AFF4: variants seen among roughly 807,000 people sequenced by gnomAD.
AFF4 encodes the protein ALF transcription elongation factor 4.
Under a neutral mutation model 124.8 loss-of-function variants are expected in AFF4, and 13 were observed. The ratio of observed to expected loss-of-function variants is 0.10; its 90% confidence interval spans 0.07 to 0.17. The LOEUF (loss-of-function observed/expected upper bound fraction) is 0.17, where lower values mean the gene tolerates loss of function less well. Ranked by LOEUF, AFF4 falls within the 10% of genes least tolerant of loss-of-function variation. The pLI, the probability that AFF4 is intolerant of heterozygous loss-of-function variation, is 1.00. For synonymous variants in AFF4, 477 were observed against 496.1 expected, an observed-to-expected ratio of 0.96 and a Z score of 0.51; for missense variants, 1,092 against 1,403.8, an observed-to-expected ratio of 0.78 and a Z score of 3.55.
Position 132,917,249 on chromosome 5 carries a change from T to C in AFF4, c.1050+9872A>G, listed in dbSNP as rs575957732. The stretch of plus-strand genomic sequence containing the variant: ...TAACCAATGTTATTCACCATATTAA[T>C]ACAAATCAAAACAGGAAAATCTTAT... On this transcript the variant is annotated intron_variant, in intron 5 of 20. Coordinates refer to ENST00000265343, the MANE Select transcript of AFF4 (RefSeq NM_014423.4). Among the ~76,000 whole-genome samples, 6 of 151,026 alleles carry C rather than the reference T, an allele frequency of 4.0e-5. No individual in the cohort carries two copies. The South Asian group carries it at 1.1e-3, about 27-fold the overall frequency.
chr5:132,880,390 A>G lies in AFF4; in HGVS notation c.*669T>C. 2.5e-6 allele frequency: 1 copy of G among 398,884 alleles called. No homozygotes were observed. The highest frequency in any genetic ancestry group is 3.6e-5 in the East Asian group (1 of 28,018). The allele number at this position is 398,884 out of a possible 1,614,324, so 24.7% of individuals were successfully genotyped here. ...ACAGTTTTTGAAATAATGCATACCA[A>G]ATCAGACACATTTCATAGTACATAC... is the stretch of plus-strand genomic sequence containing the variant. On this transcript the variant is annotated 3_prime_UTR_variant, in exon 21 of 21. Transcript: ENST00000265343.
chr5:132,908,829 G>C (rs149849572), intron 5 of AFF4, among the ~76,000 whole-genome samples: 10,517 of 145,190 alleles, frequency 0.072, 530 homozygotes, highest in Non-Finnish European at 0.1. Flanking sequence ...GGAGTGCAGT[G>C]GTGTGATTTC....
intron 6 of AFF4, chr5:132,903,833 T>C (rs2150077642): frequency 6.6e-6 from 1 of 152,376 alleles, no homozygotes; most frequent in East Asian, 1.9e-4. Context: ...CCCATCAAAT[T>C]GTATTCATGA....
At chr5:132,942,660 C>T (rs554292231) in intron 1 of AFF4, among the ~76,000 whole-genome samples, 2 of 152,274 alleles carry the variant, frequency 1.3e-5, no homozygotes, top group East Asian at 3.9e-4. Context: ...GATGGGGTTT[C>T]TCCATGTTGG....
At chr5:132,921,221 A>G (rs551727321) in intron 5 of AFF4, among the ~76,000 whole-genome samples, 18 of 152,262 alleles carry the variant, frequency 1.2e-4, no homozygotes, top group African/African-American at 3.4e-4. Context: ...ACACTGCACC[A>G]AAGAAGATAA....
intron 4 of AFF4, 123 bp from the exon 5 acceptor site, chr5:132,927,330 TAGTC>T (rs1371467433): frequency 1.3e-6 from 1 of 766,108 alleles, no homozygotes; most frequent in Non-Finnish European, 2.1e-6. Context: ...TCTACATACT[TAGTC>T]AATAAATATT....
At chr5:132,882,638 C>G (rs188652971) in intron 20 of AFF4, among the ~76,000 whole-genome samples, 8 of 152,074 alleles carry the variant, frequency 5.3e-5, no homozygotes, top group African/African-American at 1.9e-4. Context: ...GGGCAGATCA[C>G]GAGGTCAGCA....
intron 5 of AFF4, among the ~76,000 whole-genome samples, chr5:132,908,833 T>A (rs10479012): frequency 6.8e-6 from 1 of 146,994 alleles, no homozygotes; most frequent in East Asian, 2.0e-4. Flanking sequence ...TGCAGTGGTG[T>A]GATTTCGGCT....
chr5:132,888,245 T>A, intron 14 of AFF4, 85 bp from the exon 15 acceptor site: 1 of 1,012,576 alleles, frequency 9.9e-7, no homozygotes, highest in Non-Finnish European at 1.4e-6. Flanking sequence ...CCCTCAGTTT[T>A]TATGTCCTCA....
chr5:132,888,103 A>G lies in AFF4; in HGVS notation c.2790T>C (p.Asp930=). ...AAGGAGAATATCTACATACCAATGC[A>G]TCTGCATTGTGCTTTAGCTTTTTTG... ...QEAKKLKHNA[D]ALSDRFEKAV... Residue 930 remains aspartate, a synonymous_variant, in exon 15 of 21, where the codon GAT becomes GAC. Coordinates refer to ENST00000265343, the MANE Select transcript of AFF4 (RefSeq NM_014423.4). 6.2e-7 allele frequency: 1 copy of G among 1,611,662 alleles called. No homozygotes were observed. Among genetic ancestry groups the G allele is most frequent in the Non-Finnish European group, 8.5e-7 (1 of 1,178,332 alleles).
Position 132,885,061 on chromosome 5 carries a change from TA to T in AFF4, c.3143+14del, listed in dbSNP as rs770884947. ...ATTGCCACAATAATATTTTACATAA[TA>T]AAATTTTACCTACCTTCCCAAGCCA... On this transcript the variant is annotated intron_variant, in intron 19 of 20. Transcript: ENST00000265343. 3 of 1,580,904 alleles carry T rather than the reference TA, an allele frequency of 1.9e-6. No individual in the cohort carries two copies. Among genetic ancestry groups the T allele is most frequent in the South Asian group, 1.2e-5 (1 of 85,432 alleles).
chr5:132,955,926 ATAT>A (rs1393709710), intron 1 of AFF4, among the ~76,000 whole-genome samples: 12 of 146,058 alleles, frequency 8.2e-5, no homozygotes, highest in South Asian at 2.2e-4. Context: ...TATACTTACT[ATAT>A]TATACTATAC....
chr5:132,937,246 T>C (rs776579105), intron 1 of AFF4, 53 bp from the exon 2 acceptor site: 18 of 1,523,478 alleles, frequency 1.2e-5, no homozygotes, highest in Non-Finnish European at 1.4e-5. Flanking sequence ...AAAAATTAAA[T>C]ATTCTGTACA....
chr5:132,932,256 A>G (rs1761318489), intron 3 of AFF4, 34 bp from the exon 4 acceptor site: 1 of 1,577,400 alleles, frequency 6.3e-7, no homozygotes, highest in East Asian at 2.3e-5. Flanking sequence ...TTAGATTTTT[A>G]TCAGTAGATT....
At chr5:132,882,184 A>G (rs1759998166) in intron 20 of AFF4, among the ~76,000 whole-genome samples, 1 of 150,444 alleles carries the variant, frequency 6.6e-6, no homozygotes, top group Admixed American at 6.7e-5. Flanking sequence ...CAGCCTGGGC[A>G]GCCTGGGTGA....
At chr5:132,952,322 A>G (rs913527160) in intron 1 of AFF4, among the ~76,000 whole-genome samples, 2 of 152,220 alleles carry the variant, frequency 1.3e-5, no homozygotes, top group Non-Finnish European at 2.9e-5. Flanking sequence ...TTCCCACATC[A>G]TATTTCTTTA....
chr5:132,948,235 G>A (rs755211051), intron 1 of AFF4, among the ~76,000 whole-genome samples: 2 of 152,024 alleles, frequency 1.3e-5, no homozygotes, highest in Non-Finnish European at 1.5e-5. Flanking sequence ...TATTTTAGTA[G>A]AGACAGGGTT....
intron 1 of AFF4, among the ~76,000 whole-genome samples, chr5:132,937,913 T>C (rs1761469422): frequency 6.6e-6 from 1 of 152,176 alleles, no homozygotes; most frequent in South Asian, 2.1e-4. Flanking sequence ...GGAAGTCCCA[T>C]CTCTATAATC....
chr5:132,952,286 C>G (rs1471378753), intron 1 of AFF4, among the ~76,000 whole-genome samples: 1 of 152,194 alleles, frequency 6.6e-6, no homozygotes, highest in African/African-American at 2.4e-5. Context: ...ATTCTGTTTC[C>G]AATTTCCCAA....
Sources: allele counts gnomAD v4.1 joint callset (sites outside exome capture counted in the v4.1 genomes callset), GRCh38; gene constraint gnomAD v4.1.1; transcripts MANE v1.5; gene names NCBI Gene and HGNC (gene_info 2026-07-23, HGNC 2026-07-21).